Variants in MRGPRX3 observed in about 807,000 individuals in gnomAD.
The protein encoded by MRGPRX3 is MAS related GPR family member X3, also known as mas-related G protein-coupled receptor member X3.
A neutral mutation model predicts 16.5 loss-of-function variants in MRGPRX3; 14 were observed. That is an observed-to-expected ratio of 0.85 (90% CI 0.56 to 1.33). The LOEUF (loss-of-function observed/expected upper bound fraction) is 1.33, where lower values mean the gene tolerates loss of function less well. MRGPRX3 is among the 40% of genes most tolerant of loss of function. The pLI, the probability that MRGPRX3 is intolerant of heterozygous loss-of-function variation, is 0.00. For synonymous variants in MRGPRX3, 199 were observed against 180.1 expected, an observed-to-expected ratio of 1.10 and a Z score of -0.84; for missense variants, 449 against 413.0, an observed-to-expected ratio of 1.09 and a Z score of -0.76.
At chr11:18,124,077 G>A (rs1220840902) in intron 1 of MRGPRX3, among the ~76,000 whole-genome samples, 1 of 152,186 alleles carries the variant, frequency 6.6e-6, no homozygotes, top group South Asian at 2.1e-4. Context: ...ATCAGCTTAA[G>A]GAGATTTTGG....
chr11:18,131,867 A>G (rs1192133939), upstream of MRGPRX3, among the ~76,000 whole-genome samples: 3 of 152,096 alleles, frequency 2.0e-5, no homozygotes, highest in Admixed American at 6.6e-5. Context: ...TGAGGACACG[A>G]AGGCATAGAA....
chr11:18,122,353 A>G (rs1334991943), intron 1 of MRGPRX3, among the ~76,000 whole-genome samples: 1 of 152,116 alleles, frequency 6.6e-6, no homozygotes, highest in Non-Finnish European at 1.5e-5. Flanking sequence ...CCCTCCCACG[A>G]CAGGCCCCAG....
At chr11:18,129,319 A>T (rs1848936345), upstream of MRGPRX3, among the ~76,000 whole-genome samples, 1 of 152,246 alleles carries the variant, frequency 6.6e-6, no homozygotes, top group African/African-American at 2.4e-5. Context: ...AACAGAGAAG[A>T]TTCAAATAAG....
At chr11:18,127,965 C>G (rs1327064950), upstream of MRGPRX3, among the ~76,000 whole-genome samples, 1 of 152,186 alleles carries the variant, frequency 6.6e-6, no homozygotes, top group Non-Finnish European at 1.5e-5. Context: ...GATGTCCTTT[C>G]TGTTTGTTAG....
At chr11:18,123,704 GT>G (rs1266717450) in intron 1 of MRGPRX3, among the ~76,000 whole-genome samples, 1 of 152,162 alleles carries the variant, frequency 6.6e-6, no homozygotes, top group Non-Finnish European at 1.5e-5. Context: ...TTTTAAAGTA[GT>G]TTTTTCCAAT....
intron 1 of MRGPRX3, among the ~76,000 whole-genome samples, chr11:18,135,668 T>A (rs1291368465): frequency 1.3e-5 from 2 of 152,182 alleles, no homozygotes; most frequent in Non-Finnish European, 2.9e-5. Context: ...TTGTTTAGGT[T>A]AATTTTTTTT....
At chr11:18,124,870 G>A (rs936290186) in intron 1 of MRGPRX3, among the ~76,000 whole-genome samples, 3 of 152,172 alleles carry the variant, frequency 2.0e-5, no homozygotes, top group African/African-American at 7.2e-5. Flanking sequence ...TTCAGAGCCT[G>A]TTACTGGTCT....
At position 18,121,772 on chromosome 11, in the gene MRGPRX3, G is replaced by C. The variant is rs1222460376; in HGVS notation, c.-152+608G>C. Among the ~76,000 whole-genome samples the C allele has an allele frequency of 2.6e-5, 4 of 152,308 alleles. No homozygotes were observed. The East Asian group carries it at 7.7e-4, about 29-fold the overall frequency. On this transcript the variant is annotated intron_variant, in intron 1 of 2. Coordinates refer to the MRGPRX3 transcript ENST00000396275. The stretch of plus-strand genomic sequence containing the variant: ...AAATGGATTAAGGGCGGTGAAAGAT[G>C]TGCTTTGTTAAACAGACGCTTGAAG...
chr11:18,128,361 G>T (rs1175018886), upstream of MRGPRX3, among the ~76,000 whole-genome samples: 2 of 152,228 alleles, frequency 1.3e-5, no homozygotes, highest in African/African-American at 4.8e-5. Context: ...GTTTGGCTAT[G>T]GCCTGCCCCC....
At chr11:18,123,473 G>C (rs1848860496) in intron 1 of MRGPRX3, among the ~76,000 whole-genome samples, 1 of 152,142 alleles carries the variant, frequency 6.6e-6, no homozygotes, top group Non-Finnish European at 1.5e-5. Flanking sequence ...GTTTTTGTCA[G>C]GTTTGTCAAA....
At chr11:18,135,040 G>C (rs1848995899) in intron 1 of MRGPRX3, among the ~76,000 whole-genome samples, 1 of 152,180 alleles carries the variant, frequency 6.6e-6, no homozygotes, top group Non-Finnish European at 1.5e-5. Flanking sequence ...ATAATAAATG[G>C]TGGGGCAGAG....
At chr11:18,127,101 C>A (rs1276319987) in intron 1 of MRGPRX3, among the ~76,000 whole-genome samples, 2 of 152,200 alleles carry the variant, frequency 1.3e-5, no homozygotes, top group Non-Finnish European at 2.9e-5. Flanking sequence ...TATTGGCCCC[C>A]ACTCTCTTCT....
At chr11:18,126,096 G>A (rs1296235264) in intron 1 of MRGPRX3, among the ~76,000 whole-genome samples, 1 of 152,158 alleles carries the variant, frequency 6.6e-6, no homozygotes, top group Non-Finnish European at 1.5e-5. Flanking sequence ...TCTGCACATT[G>A]AGATGGGTTT....
chr11:18,123,543 C>G (rs1848861231), intron 1 of MRGPRX3, among the ~76,000 whole-genome samples: 1 of 152,078 alleles, frequency 6.6e-6, no homozygotes, highest in Non-Finnish European at 1.5e-5. Context: ...TTCCATTGGT[C>G]TATATCTCTG....
At position 18,137,828 on chromosome 11, in the gene MRGPRX3, T is replaced by C; in HGVS notation, c.626T>C (p.Met209Thr). The change falls in exon 2 of 2, where the codon ATG (methionine) becomes ACG (threonine). Residue 209 changes from methionine to threonine, a missense_variant. Met to Thr is a moderately conservative substitution (Grantham distance 81). Coordinates refer to ENST00000621697, the MANE Select transcript of MRGPRX3 (RefSeq NM_001370464.1). ...AGGATTCTCTGTGGATCCCGGAAGA[T>C]GCCGCTGACCAGGCTGTACGTGACC... is the stretch of plus-strand genomic sequence containing the variant. ...LVRILCGSRK[M>T]PLTRLYVTIL... 1 of 1,614,260 alleles carries C rather than the reference T, an allele frequency of 6.2e-7. No homozygotes were observed. Among genetic ancestry groups the C allele is most frequent in the South Asian group, 1.1e-5 (1 of 91,084 alleles).
intron 1 of MRGPRX3, among the ~76,000 whole-genome samples, chr11:18,134,276 T>C (rs1342227022): frequency 6.6e-6 from 1 of 152,228 alleles, no homozygotes; most frequent in Non-Finnish European, 1.5e-5. Flanking sequence ...AGTATAGTTG[T>C]GCCTCTGGGT....
In MRGPRX3 at chr11:18,138,335, C is replaced by A; in HGVS notation, c.*164C>A. The A allele has an allele frequency of 9.4e-7, 1 of 1,067,662 alleles. No individual in the cohort carries two copies. 66.1% of individuals were successfully genotyped at this position (1,067,662 alleles called of 1,614,324 possible). A position where few individuals can be genotyped will look rare whatever the true frequency, so the allele number is the denominator to read the frequency against. ...CTAACCTGACAGTTGCAGTTTTCACCCATGGAAAGCATTAGTCTGACAGTA... is the reference window on the plus strand; with the variant it reads ...CTAACCTGACAGTTGCAGTTTTCACACATGGAAAGCATTAGTCTGACAGTA... On this transcript the variant is annotated 3_prime_UTR_variant, in exon 2 of 2. Coordinates refer to ENST00000621697, the MANE Select transcript of MRGPRX3 (RefSeq NM_001370464.1).
chr11:18,131,780 C>G (rs369974087), upstream of MRGPRX3, among the ~76,000 whole-genome samples: 2 of 151,702 alleles, frequency 1.3e-5, no homozygotes, highest in South Asian at 2.1e-4. Flanking sequence ...AATTGGAGAC[C>G]CTTATTCTAA....
At chr11:18,130,436 T>TA (rs1454030228), upstream of MRGPRX3, among the ~76,000 whole-genome samples, 18 of 151,610 alleles carry the variant, frequency 1.2e-4, no homozygotes, top group African/African-American at 3.9e-4. Context: ...ACAATAGCTG[T>TA]AAAAAAATAC....
Sources: gnomAD v4.1 joint callset for allele counts (sites outside exome capture counted in the v4.1 genomes callset) on GRCh38, gnomAD v4.1.1 for gene constraint, MANE v1.5 for transcripts, NCBI Gene and HGNC (gene_info 2026-07-23, HGNC 2026-07-21) for gene names.